DNAH14: variants seen among roughly 807,000 people sequenced by gnomAD.
DNAH14 encodes dynein axonemal heavy chain 14, also known as axonemal beta dynein heavy chain 14.
Under a neutral mutation model 520.9 loss-of-function variants are expected in DNAH14, and 478 were observed. The observed-to-expected ratio is 0.92, with a 90% CI of 0.85 to 0.99. DNAH14 has a LOEUF of 0.99. DNAH14 is among the 50% of genes least tolerant of loss of function. DNAH14 has a pLI of 0.00. For missense variants in DNAH14, 4,831 were observed against 5,234.5 expected, an observed-to-expected ratio of 0.92 and a Z score of 2.38; for synonymous variants, 1,581 against 1,757.2, an observed-to-expected ratio of 0.90 and a Z score of 2.51.
intron 11 of DNAH14, among the ~76,000 whole-genome samples, chr1:225,030,646 C>T (rs1367533496): frequency 1.3e-5 from 2 of 151,890 alleles, no homozygotes; most frequent in East Asian, 3.8e-4. Flanking sequence ...TTCCTCCAGA[C>T]AATTACCCTA....
intron 17 of DNAH14, among the ~76,000 whole-genome samples, chr1:225,078,367 T>C (rs1558881319): frequency 6.6e-6 from 1 of 152,234 alleles, no homozygotes; most frequent in East Asian, 1.9e-4. Context: ...GCCCAAAAAG[T>C]TGTAGCATTT....
In DNAH14 at chr1:225,340,481, C is replaced by A. The variant is rs3856145; in HGVS notation, c.10458C>A (p.Asp3486Glu). 0.44 allele frequency: 689,041 copies of A among 1,548,676 alleles called. 155,798 individuals are homozygous for A. The highest frequency in any genetic ancestry group is 0.62 in the African/African-American group (45,227 of 72,976). Residue 3486 changes from aspartate to glutamate, a missense_variant, in exon 69 of 86, where the codon GAC (aspartate) becomes GAA (glutamate). By Grantham distance (45) the Asp-to-Glu change is conservative. Coordinates refer to ENST00000682510, the MANE Select transcript of DNAH14 (RefSeq NM_001367479.1). ...GGTTATACTTATCTACAGAAATAGA[C>A]AACCCCCATTTTCTTCCATCAGTTT... ...NFRLYLSTEI[D>E]NPHFLPSVYN...
chr1:225,040,653 A>G (rs546580173), intron 12 of DNAH14, among the ~76,000 whole-genome samples: 4 of 152,300 alleles, frequency 2.6e-5, no homozygotes, highest in African/African-American at 9.6e-5. Context: ...GCTATTACCT[A>G]TAATTCTGCC....
intron 54 of DNAH14, among the ~76,000 whole-genome samples, chr1:225,280,865 A>G (rs72748678): frequency 1.8e-3 from 278 of 152,270 alleles, no homozygotes; most frequent in Non-Finnish European, 3.3e-3. Context: ...AGGAGGAAAA[A>G]CCTCAAAAAT....
At chr1:224,970,924 T>G (rs10915748) in intron 7 of DNAH14, among the ~76,000 whole-genome samples, 6,863 of 152,292 alleles carry the variant, frequency 0.045, 443 homozygotes, top group African/African-American at 0.14. Flanking sequence ...GATATTGTAT[T>G]GAACAAACCA....
In DNAH14 at chr1:225,038,731, A is replaced by C; in HGVS notation, c.1396A>C (p.Thr466Pro). 1.3e-6 allele frequency: 2 copies of C among 1,535,426 alleles called. No individual in the cohort carries two copies. Among genetic ancestry groups the C allele is most frequent in the East Asian group, 2.5e-5 (1 of 40,146 alleles). ...KDNSFPTGKTTNDCEELVDNS... is the reference protein window; with the variant it reads ...KDNSFPTGKTPNDCEELVDNS... ...CAACTCTTTTCCTACTGGAAAGACAACAAATGATTGTGAAGAACTTGTTGA... is the reference window on the plus strand; with the variant it reads ...CAACTCTTTTCCTACTGGAAAGACACCAAATGATTGTGAAGAACTTGTTGA... The change falls in exon 12 of 86, where the codon ACA (threonine) becomes CCA (proline). Residue 466 changes from threonine (T) to proline (P), a missense_variant. By Grantham distance (38) the Thr-to-Pro change is conservative. Transcript: ENST00000682510.
chr1:225,070,260 TTTACTCTTAG>T (rs2148485077), intron 17 of DNAH14, among the ~76,000 whole-genome samples: 3 of 152,284 alleles, frequency 2.0e-5, no homozygotes, highest in Non-Finnish European at 4.4e-5. Context: ...TTGGGATTTG[TTTACTCTTAG>T]TTCTCTAGGT....
intron 44 of DNAH14, 113 bp from the exon 45 acceptor site, chr1:225,257,847 T>C: frequency 1.1e-6 from 1 of 935,610 alleles, no homozygotes; most frequent in South Asian, 1.9e-5. Flanking sequence ...CCATGTACTT[T>C]TCATATATAC....
At chr1:225,301,902 G>T (rs919177702) in intron 56 of DNAH14, among the ~76,000 whole-genome samples, 2 of 151,728 alleles carry the variant, frequency 1.3e-5, no homozygotes, top group African/African-American at 2.4e-5. Flanking sequence ...TTAATACCGT[G>T]GTAGGAAGAA....
intron 8 of DNAH14, 27 bp from the exon 9 acceptor site, chr1:225,002,756 T>C (rs1323654216): frequency 5.2e-6 from 8 of 1,542,660 alleles, no homozygotes; most frequent in South Asian, 1.2e-5. Context: ...ATGAGAGATA[T>C]ATCTGTAGAA....
At position 225,266,674 on chromosome 1, in the gene DNAH14, G is replaced by C. The variant is rs1236116379; in HGVS notation, c.7444G>C (p.Val2482Leu). The change falls in exon 49 of 86, where the codon GTA becomes CTA. Residue 2482 changes from valine to leucine, a missense_variant. Physicochemically the swap from Val to Leu is conservative, Grantham distance 32. Transcript: ENST00000682510. ...LIFIDDMNMP[V>L]SDMYGAQPPL... ...ATTTATTGATGATATGAATATGCCA[G>C]TATCAGATATGTATGGAGCACAGCC... is the stretch of plus-strand genomic sequence containing the variant. 4 of 1,509,586 alleles carry C rather than the reference G, an allele frequency of 2.6e-6. No homozygotes were observed. In the East Asian group the frequency reaches 1.0e-4, roughly 38 times the overall value. 93.5% of individuals were successfully genotyped at this position (1,509,586 alleles called of 1,614,324 possible).
At chr1:225,374,182 T>TATATATAC (rs1263904206) in intron 77 of DNAH14, among the ~76,000 whole-genome samples, 1 of 97,120 alleles carries the variant, frequency 1.0e-5, no homozygotes, top group African/African-American at 3.5e-5. Context: ...TATATATATA[T>TATATATAC]ACTATTCTAG....
intron 21 of DNAH14, among the ~76,000 whole-genome samples, chr1:225,094,818 CAAA>C (rs140729760): frequency 4.4e-5 from 4 of 91,156 alleles, no homozygotes; most frequent in Non-Finnish European, 8.5e-5. Flanking sequence ...CATTTACAGG[CAAA>C]AAAAAAAAAA....
In DNAH14 at chr1:225,360,859, A is replaced by T. The variant is rs1029263949; in HGVS notation, c.11955A>T (p.Ser3985=). The part of the protein sequence containing the change: ...VFLQNCHLAT[S]FMPRLCTIVE... ...TCCAGAACTGCCATCTTGCAACATC[A>T]TTTATGCCAAGGCTTTGCACAATTG... Residue 3985 remains serine (S), a synonymous_variant, in exon 75 of 86, where the codon TCA becomes TCT. Coordinates refer to ENST00000682510, the MANE Select transcript of DNAH14 (RefSeq NM_001367479.1). The T allele has an allele frequency of 1.3e-6, 2 of 1,551,616 alleles. No homozygotes were observed. The highest frequency in any genetic ancestry group is 2.7e-5 in the African/African-American group (2 of 73,068).
At chr1:225,350,636 T>C (rs903944212) in intron 71 of DNAH14, among the ~76,000 whole-genome samples, 2 of 152,104 alleles carry the variant, frequency 1.3e-5, no homozygotes, top group African/African-American at 2.4e-5. Context: ...TGTATGCCAA[T>C]GAATTGGATA....
intron 41 of DNAH14, among the ~76,000 whole-genome samples, chr1:225,210,056 A>G (rs1016903488): frequency 6.6e-6 from 1 of 152,136 alleles, no homozygotes; most frequent in Non-Finnish European, 1.5e-5. Context: ...TTGGGTTTCA[A>G]GCACGAAACT....
chr1:225,106,414 G>T (rs1379713291), intron 23 of DNAH14, among the ~76,000 whole-genome samples: 2 of 151,972 alleles, frequency 1.3e-5, no homozygotes, highest in Non-Finnish European at 2.9e-5. Flanking sequence ...ATTTGCTGAA[G>T]TTGAATGTTG....
intron 21 of DNAH14, among the ~76,000 whole-genome samples, chr1:225,093,347 G>A (rs2148671061): frequency 6.6e-6 from 1 of 151,910 alleles, no homozygotes; most frequent in South Asian, 2.1e-4. Flanking sequence ...TGAATAAATG[G>A]GATTCATTAC....
chr1:225,118,963 T>C (rs528915357), intron 25 of DNAH14, among the ~76,000 whole-genome samples: 14 of 152,206 alleles, frequency 9.2e-5, no homozygotes, highest in African/African-American at 2.9e-4. Context: ...TTGTTTATCT[T>C]GTAAATACCA....
Sources: gnomAD v4.1 joint callset for allele counts (sites outside exome capture counted in the v4.1 genomes callset) on GRCh38, gnomAD v4.1.1 for gene constraint, MANE v1.5 for transcripts, NCBI Gene and HGNC (gene_info 2026-07-23, HGNC 2026-07-21) for gene names.